EIF4E: variants seen among roughly 807,000 people sequenced by gnomAD.
EIF4E encodes the protein eIF-4F 25 kDa subunit.
For missense variants in EIF4E, 113 were observed against 265.6 expected (o/e 0.43, Z 3.99); for synonymous variants, 71 against 88.5 (o/e 0.80, Z 1.11).
intron 1 of EIF4E, among the ~76,000 whole-genome samples, chr4:98,919,429 G>A (rs181210624): frequency 7.8e-4 from 118 of 151,314 alleles, no homozygotes; most frequent in Admixed American, 2.2e-3. Flanking sequence ...AATACAGAGC[G>A]ACAAGCTTTT....
chr4:98,901,911 G>T lies in EIF4E; in HGVS notation c.90C>A (p.Asn30Lys). The change falls in exon 2 of 7, where the codon AAC becomes AAA. Residue 30 changes from asparagine (N) to lysine (K), a missense_variant. Asn to Lys is a moderately conservative substitution (Grantham distance 94, BLOSUM62 0). Coordinates refer to ENST00000450253, the MANE Select transcript of EIF4E (RefSeq NM_001968.5). Reference protein sequence around the residue: ...EKTESNQEVANPEHYIKHPLQ... With the variant: ...EKTESNQEVAKPEHYIKHPLQ... The stretch of plus-strand genomic sequence containing the variant: ...GGGGATGTTTAATATAGTGTTCTGG[G>T]TTAGCAACCTCCTGATTAGATTCCG... The T allele has an allele frequency of 6.2e-7, 1 of 1,612,530 alleles. No individual in the cohort carries two copies. Among genetic ancestry groups the T allele is most frequent in the East Asian group, 2.2e-5 (1 of 44,872 alleles).
At chr4:98,889,829 A>C (rs1235102525) in intron 3 of EIF4E, among the ~76,000 whole-genome samples, 1 of 152,170 alleles carries the variant, frequency 6.6e-6, no homozygotes, top group Admixed American at 6.5e-5. Context: ...GAGAATGAAA[A>C]GCTTTTTTTT....
At chr4:98,884,707 CTAAA>C (rs879298153) in intron 6 of EIF4E, among the ~76,000 whole-genome samples, 1 of 151,570 alleles carries the variant, frequency 6.6e-6, no homozygotes, top group South Asian at 2.1e-4. Context: ...GACTCTATCT[CTAAA>C]TAAATAAATA....
At position 98,887,763 on chromosome 4, in the gene EIF4E, A is replaced by T. The variant is rs1479068668; in HGVS notation, c.285+126T>A. ...ATATATTGATACTAAAGCATACTAC[A>T]GCCAATTAAATTATCAGCCTATTCA... On this transcript the variant is annotated intron_variant, in intron 4 of 6. Coordinates refer to ENST00000450253, the MANE Select transcript of EIF4E (RefSeq NM_001968.5). The surrounding 1 kb of genome is among the most constrained non-coding windows in gnomAD (Gnocchi z 4.0). 6.2e-6 allele frequency: 5 copies of T among 809,500 alleles called. No homozygotes were observed. The highest frequency in any genetic ancestry group is 1.0e-5 in the Non-Finnish European group (5 of 486,518). The allele number at this position is 809,500 out of a possible 1,614,324, so 50.1% of individuals were successfully genotyped here. A position where few individuals can be genotyped will look rare whatever the true frequency, so the allele number is the denominator to read the frequency against.
rs181834810 is a variant in EIF4E, at chr4:98,885,625, T to G, written c.400-564A>C. Among the ~76,000 whole-genome samples, 245 of 152,220 alleles carry G rather than the reference T, an allele frequency of 1.6e-3. 2 individuals carry two copies. Among genetic ancestry groups the G allele is most frequent in the Non-Finnish European group, 1.1e-3 (75 of 68,002 alleles). ...TGTCACCATACCCAGTTAATTTTTG[T>G]ATTTTTTGTAGAGACAGGGTTTTGC... On this transcript the variant is annotated intron_variant, in intron 5 of 6. Transcript: ENST00000450253.
At chr4:98,917,338 A>C (rs1330070841) in intron 1 of EIF4E, among the ~76,000 whole-genome samples, 1 of 152,060 alleles carries the variant, frequency 6.6e-6, no homozygotes, top group East Asian at 1.9e-4. Context: ...CTCTTACTGA[A>C]GATTCTTTGC....
In EIF4E at chr4:98,880,216, ATAC is replaced by A. The variant is rs1326601652; in HGVS notation, c.*809_*811del. The A allele has an allele frequency of 1.3e-5, 2 of 149,676 alleles. No individual in the cohort carries two copies. The highest frequency in any genetic ancestry group is 4.9e-5 in the African/African-American group (2 of 40,428). 9.3% of individuals were successfully genotyped at this position (149,676 alleles called of 1,614,324 possible). A position where few individuals can be genotyped will look rare whatever the true frequency, so the allele number is the denominator to read the frequency against. ...ACAGCATAAAGATACAAAAACAGACATACTAATTCTAGTTAGGAATGTAATTAT... is the reference window on the plus strand; with the variant it reads ...ACAGCATAAAGATACAAAAACAGACATAATTCTAGTTAGGAATGTAATTAT... On this transcript the variant is annotated 3_prime_UTR_variant, in exon 7 of 7. Transcript: ENST00000450253.
At position 98,887,675 on chromosome 4, in the gene EIF4E, A is replaced by G. The variant is rs1204029416; in HGVS notation, c.285+214T>C. 1.3e-5 allele frequency among the ~76,000 whole-genome samples: 2 copies of G among 152,180 alleles called. No homozygotes were observed. Among genetic ancestry groups the G allele is most frequent in the Non-Finnish European group, 2.9e-5 (2 of 68,034 alleles). ...CTGGATAATCAAAGCTCTCATCAAAATCAATCTCAGTATGTGCCCACAGAG... is the reference window on the plus strand; with the variant it reads ...CTGGATAATCAAAGCTCTCATCAAAGTCAATCTCAGTATGTGCCCACAGAG... On this transcript the variant is annotated intron_variant, in intron 4 of 6. Coordinates refer to ENST00000450253, the MANE Select transcript of EIF4E (RefSeq NM_001968.5). The surrounding 1 kb of genome is among the most constrained non-coding windows in gnomAD (Gnocchi z 4.0).
intron 1 of EIF4E, among the ~76,000 whole-genome samples, chr4:98,914,868 A>G (rs1725312533): frequency 6.6e-6 from 1 of 152,166 alleles, no homozygotes; most frequent in Admixed American, 6.6e-5. Context: ...CTGTACCTGC[A>G]CCGGGGCAAG....
chr4:98,891,189 T>A, intron 3 of EIF4E, 48 bp downstream of exon 3: 2 of 1,594,374 alleles, frequency 1.3e-6, no homozygotes, highest in Non-Finnish European at 1.7e-6. Flanking sequence ...ATAAAAAAAC[T>A]ACACAACGAA....
rs1386179143 is a variant in EIF4E at position 98,879,601 on chromosome 4, C to A, written c.*1427G>T. ...TGTCTTAACACCTGTTTATTCCATT[C>A]TATTTAGATTGCAACACTAACAAGA... On this transcript the variant is annotated 3_prime_UTR_variant, in exon 7 of 7. Transcript: ENST00000450253. 2.6e-5 allele frequency: 4 copies of A among 152,110 alleles called. No individual in the cohort carries two copies. The highest frequency in any genetic ancestry group is 2.6e-4 in the Admixed American group (4 of 15,262). 9.4% of individuals were successfully genotyped at this position (152,110 alleles called of 1,614,324 possible).
chr4:98,929,067 G>T (rs1432768250), intron 1 of EIF4E, 28 bp downstream of exon 1: 12 of 1,578,594 alleles, frequency 7.6e-6, no homozygotes, highest in Non-Finnish European at 1.0e-5. Context: ...GGGGACCCGT[G>T]GGGGTGGGGG....
intron 1 of EIF4E, among the ~76,000 whole-genome samples, chr4:98,925,511 G>A (rs1037470977): frequency 2.6e-5 from 4 of 152,064 alleles, no homozygotes; most frequent in Non-Finnish European, 5.9e-5. Flanking sequence ...TCAAATTTTT[G>A]CCAAATTATC....
intron 5 of EIF4E, among the ~76,000 whole-genome samples, chr4:98,886,147 T>TA (rs943406142): frequency 2.0e-5 from 3 of 151,560 alleles, no homozygotes; most frequent in African/African-American, 4.8e-5. Context: ...ACCCTGTCTC[T>TA]AAAAAAAAGC....
At chr4:98,907,141 T>A (rs557261733) in intron 1 of EIF4E, among the ~76,000 whole-genome samples, 26 of 152,240 alleles carry the variant, frequency 1.7e-4, no homozygotes, top group South Asian at 8.3e-4. Context: ...AAGAAAAAAA[T>A]TTTTTAAATT....
chr4:98,888,142 T>C, intron 3 of EIF4E, among the ~76,000 whole-genome samples, 190 bp from the exon 4 acceptor site: 1 of 152,148 alleles, frequency 6.6e-6, no homozygotes, highest in East Asian at 1.9e-4. Flanking sequence ...CAACTTCAGA[T>C]GACAGGTATA....
At chr4:98,896,584 A>C (rs1724413688) in intron 2 of EIF4E, among the ~76,000 whole-genome samples, 1 of 137,718 alleles carries the variant, frequency 7.3e-6, no homozygotes, top group African/African-American at 2.8e-5. Context: ...AGGTCATTTG[A>C]GCCCAGAAAT....
At chr4:98,898,126 A>G (rs969946771) in intron 2 of EIF4E, among the ~76,000 whole-genome samples, 4 of 152,198 alleles carry the variant, frequency 2.6e-5, no homozygotes, top group Admixed American at 6.5e-5. Flanking sequence ...GGGGGGGGAA[A>G]AAAGAAACCT....
intron 1 of EIF4E, among the ~76,000 whole-genome samples, chr4:98,922,566 A>T (rs1271241152): frequency 6.6e-6 from 1 of 151,986 alleles, no homozygotes; most frequent in Non-Finnish European, 1.5e-5. Context: ...AAAAAAAAAA[A>T]AAAGAAATAA....
Sources: gnomAD v4.1 joint callset for allele counts (sites outside exome capture counted in the v4.1 genomes callset) on GRCh38, gnomAD v4.1.1 for gene constraint, Gnocchi (gnomAD v3.1) non-coding constraint, MANE v1.5 for transcripts, NCBI Gene and HGNC (gene_info 2026-07-23, HGNC 2026-07-21) for gene names.